DRC10: variants seen among roughly 807,000 people sequenced by gnomAD.
The protein encoded by DRC10 is IQ domain-containing protein D.
chr12:113,208,371 G>A, the DRC10 span: 15 of 1,384,202 alleles, frequency 1.1e-5, no homozygotes, highest in Admixed American at 3.3e-5. Context: ...GTCCTCTGTC[G>A]CTTTTACACA....
the DRC10 span, chr12:113,207,038 C>T: frequency 5.8e-6 from 2 of 345,276 alleles, no homozygotes; most frequent in Non-Finnish European, 1.1e-5. Context: ...CTAGCCTGGG[C>T]AACAGAGTGA....
At chr12:113,203,389 G>A in the DRC10 span, among the ~76,000 whole-genome samples, 6 of 152,100 alleles carry the variant, frequency 3.9e-5, no homozygotes, top group Admixed American at 3.3e-4. Context: ...TCAGGAGGCT[G>A]AGGCTGGAGG....
the DRC10 span, chr12:113,207,204 C>T: frequency 2.5e-5 from 14 of 565,830 alleles, no homozygotes; most frequent in African/African-American, 9.4e-5. Flanking sequence ...AAAAATTAGC[C>T]GGGCGTGGTG....
At chr12:113,211,747 A>C in the DRC10 span, among the ~76,000 whole-genome samples, 1 of 151,898 alleles carries the variant, frequency 6.6e-6, no homozygotes, top group African/African-American at 2.4e-5. Flanking sequence ...ATCTCATGAG[A>C]TCCTTTGAGG....
the DRC10 span, chr12:113,195,664 T>C: frequency 6.2e-7 from 1 of 1,613,584 alleles, no homozygotes; most frequent in Non-Finnish European, 8.5e-7. Context: ...TTCTTGGATC[T>C]GAGCAGGGAG....
chr12:113,207,686 T>G, the DRC10 span: 1 of 1,614,144 alleles, frequency 6.2e-7, no homozygotes, highest in Non-Finnish European at 8.5e-7. Flanking sequence ...TGGGGGTTGC[T>G]GAGCAAGAGT....
the DRC10 span, chr12:113,206,019 A>G: frequency 1.3e-5 from 2 of 151,302 alleles, no homozygotes; most frequent in African/African-American, 2.4e-5. Flanking sequence ...GATCGAGACT[A>G]TCCTGGCTAA....
the DRC10 span, among the ~76,000 whole-genome samples, chr12:113,210,123 G>C: frequency 6.6e-6 from 1 of 152,226 alleles, no homozygotes; most frequent in Non-Finnish European, 1.5e-5. Context: ...GCAACAGAAT[G>C]AGACTCTGTT....
At chr12:113,199,006 C>T in the DRC10 span, among the ~76,000 whole-genome samples, 1 of 151,556 alleles carries the variant, frequency 6.6e-6, no homozygotes, top group Non-Finnish European at 1.5e-5. Context: ...GGTGTGATCT[C>T]GGTTCACCGC....
the DRC10 span, chr12:113,203,089 G>A: frequency 6.7e-6 from 3 of 448,192 alleles, no homozygotes; most frequent in East Asian, 7.0e-5. Flanking sequence ...ACAGTGGTGC[G>A]ATCTCAGCTC....
the DRC10 span, chr12:113,200,857 A>G: frequency 1.4e-6 from 2 of 1,391,890 alleles, no homozygotes; most frequent in Non-Finnish European, 1.9e-6. Context: ...CTCCATGCCC[A>G]GCCGGGCACA....
the DRC10 span, among the ~76,000 whole-genome samples, chr12:113,218,447 CT>C: frequency 1.6e-4 from 24 of 146,680 alleles, no homozygotes; most frequent in Admixed American, 2.7e-4. Flanking sequence ...GCCCGGCTGC[CT>C]TTTTTTTTTA....
At chr12:113,208,048 G>A in the DRC10 span, 1 of 1,614,256 alleles carries the variant, frequency 6.2e-7, no homozygotes. Flanking sequence ...TTTGGTCCTA[G>A]AGAGAACCAA....
At chr12:113,195,595 T>C in the DRC10 span, 3 of 1,601,800 alleles carry the variant, frequency 1.9e-6, no homozygotes, top group Non-Finnish European at 2.6e-6. Context: ...CCCTTGCCCT[T>C]CTCCTTGCCT....
At chr12:113,213,197 A>C in the DRC10 span, among the ~76,000 whole-genome samples, 90 of 150,462 alleles carry the variant, frequency 6.0e-4, no homozygotes, top group African/African-American at 2.1e-3. Context: ...AAAAAAAAAA[A>C]AAAAAAACCA....
At chr12:113,207,742 G>A in the DRC10 span, 6 of 1,614,180 alleles carry the variant, frequency 3.7e-6, no homozygotes, top group Non-Finnish European at 5.1e-6. Flanking sequence ...CATAAGTGGT[G>A]AGAGGCTGGA....
the DRC10 span, among the ~76,000 whole-genome samples, chr12:113,210,365 C>T: frequency 2.8e-4 from 43 of 152,190 alleles, no homozygotes; most frequent in African/African-American, 7.2e-4. Flanking sequence ...GAAGCCTGCA[C>T]GCTGTAAAAA....
the DRC10 span, chr12:113,200,550 T>C: frequency 4.2e-5 from 31 of 741,180 alleles, no homozygotes; most frequent in Non-Finnish European, 5.4e-5. Flanking sequence ...AGGGGCCCCC[T>C]CGGCCCATCC....
the DRC10 span, among the ~76,000 whole-genome samples, chr12:113,215,538 A>G: frequency 3.9e-5 from 6 of 152,126 alleles, no homozygotes; most frequent in African/African-American, 1.2e-4. Context: ...TTTGTTTTTA[A>G]TTTTGCTGGT....
Sources: gnomAD v4.1 joint callset for allele counts (sites outside exome capture counted in the v4.1 genomes callset) on GRCh38, gnomAD v4.1.1 for gene constraint, MANE v1.5 for transcripts, NCBI Gene and HGNC (gene_info 2026-07-23, HGNC 2026-07-21) for gene names.